RUNX3: variants seen among roughly 807,000 people sequenced by gnomAD.
RUNX3 encodes RUNX family transcription factor 3, also known as runt-related transcription factor 3.
Under a neutral mutation model 27.7 loss-of-function variants are expected in RUNX3, and 10 were observed. That is an observed-to-expected ratio of 0.36 (90% CI 0.22 to 0.61). The LOEUF (loss-of-function observed/expected upper bound fraction) is 0.61, where lower values mean the gene tolerates loss of function less well. Ranked by LOEUF, RUNX3 falls within the 20% of genes least tolerant of loss-of-function variation. The pLI, the probability that RUNX3 is intolerant of heterozygous loss-of-function variation, is 0.72. For synonymous variants in RUNX3, 270 were observed against 269.2 expected (o/e 1.00, Z -0.03); for missense variants, 469 against 629.5 (o/e 0.75, Z 2.73).
intron 2 of RUNX3, among the ~76,000 whole-genome samples, chr1:24,948,658 G>T (rs1423188932): frequency 1.3e-5 from 2 of 151,038 alleles, no homozygotes; most frequent in South Asian, 2.1e-4. Context: ...GCAGGACGGG[G>T]TGCATGTGGG....
rs572888469 is a variant in RUNX3 at position 24,916,523 on chromosome 1, A to G, written c.544+2717T>C. ...GGGACTTTGCACAGGGCCTGACGCA[A>G]GGGAGGGGGTTGCTCAGTGACCAGG... On this transcript the variant is annotated intron_variant, in intron 3 of 4. Coordinates refer to ENST00000308873, the MANE Select transcript of RUNX3 (RefSeq NM_004350.3). The surrounding 1 kb of genome is among the most constrained non-coding windows in gnomAD (Gnocchi z 4.8). 6.6e-5 allele frequency among the ~76,000 whole-genome samples: 10 copies of G among 152,240 alleles called. No individual in the cohort carries two copies. The highest frequency in any genetic ancestry group is 2.4e-4 in the African/African-American group (10 of 41,560).
intron 2 of RUNX3, among the ~76,000 whole-genome samples, chr1:24,950,072 C>A (rs1278080891): frequency 6.6e-6 from 1 of 152,244 alleles, no homozygotes; most frequent in Non-Finnish European, 1.5e-5. Flanking sequence ...TTCTGGGGGT[C>A]CTGCATGTCT....
intron 1 of RUNX3, chr1:24,929,051 CATA>C (rs1318988738): frequency 2.2e-6 from 1 of 457,398 alleles, no homozygotes; most frequent in South Asian, 1.5e-5. Context: ...ATTCGGGACG[CATA>C]ATATCCCCGA....
At chr1:24,911,981 G>C (rs1412922765) in intron 3 of RUNX3, among the ~76,000 whole-genome samples, 1 of 152,242 alleles carries the variant, frequency 6.6e-6, no homozygotes, top group Non-Finnish European at 1.5e-5. Context: ...TGCCAGGGAG[G>C]GGAGAGGGGA....
chr1:24,914,274 C>T (rs749000865), intron 3 of RUNX3, among the ~76,000 whole-genome samples: 18 of 152,328 alleles, frequency 1.2e-4, no homozygotes, highest in Non-Finnish European at 2.4e-4. Flanking sequence ...TGACCAGGCC[C>T]GTCACCCATC....
chr1:24,919,126 G>C (rs1257281195), intron 3 of RUNX3, 114 bp downstream of exon 3: 7 of 630,834 alleles, frequency 1.1e-5, no homozygotes, highest in Non-Finnish European at 1.9e-5. Context: ...GGGGCACAGA[G>C]CCAAGGACTG....
At chr1:24,932,558 CA>C (rs1231666431), upstream of RUNX3, among the ~76,000 whole-genome samples, 1 of 152,226 alleles carries the variant, frequency 6.6e-6, no homozygotes, top group Non-Finnish European at 1.5e-5. Context: ...AGGTCTCAGA[CA>C]AACCGATGGC....
intron 2 of RUNX3, among the ~76,000 whole-genome samples, chr1:24,939,924 C>T (rs552687530): frequency 5.6e-4 from 85 of 152,358 alleles, no homozygotes; most frequent in Non-Finnish European, 5.7e-4. Context: ...TAGGCCAACA[C>T]ATGGCCTCTC....
chr1:24,950,607 G>T (rs1001348657), intron 2 of RUNX3, among the ~76,000 whole-genome samples: 1 of 152,236 alleles, frequency 6.6e-6, no homozygotes, highest in Non-Finnish European at 1.5e-5. Flanking sequence ...GTGGCTGGGC[G>T]TGGGGTGGAT....
At chr1:24,951,957 AGAACCT>A (rs1641778452) in intron 2 of RUNX3, among the ~76,000 whole-genome samples, 1 of 152,232 alleles carries the variant, frequency 6.6e-6, no homozygotes, top group Admixed American at 6.5e-5. Flanking sequence ...AGACAGAGCC[AGAACCT>A]GTCTCAAATA....
At chr1:24,941,539 C>T (rs1641479816) in intron 2 of RUNX3, among the ~76,000 whole-genome samples, 1 of 152,238 alleles carries the variant, frequency 6.6e-6, no homozygotes, top group Non-Finnish European at 1.5e-5. Context: ...CAAGTTCACA[C>T]CCTAGGTGAG....
At chr1:24,932,643 C>T (rs887830408), upstream of RUNX3, among the ~76,000 whole-genome samples, 4 of 152,316 alleles carry the variant, frequency 2.6e-5, 1 homozygote, top group Non-Finnish European at 2.9e-5. Context: ...TTTCAGGCAC[C>T]CGGGGAAGAC....
At chr1:24,953,332 C>T (rs1240338688) in intron 2 of RUNX3, among the ~76,000 whole-genome samples, 2 of 136,242 alleles carry the variant, frequency 1.5e-5, no homozygotes, top group African/African-American at 5.6e-5. Flanking sequence ...CCACTGCACG[C>T]CAGCCTGGGC....
At position 24,902,312 on chromosome 1, in the gene RUNX3, C is replaced by A; in HGVS notation, c.1058G>T (p.Gly353Val). ...FSMVAGSSSGGDRSPTRMLAS... is the reference protein window; with the variant it reads ...FSMVAGSSSGVDRSPTRMLAS... Reference sequence around the variant, plus strand: ...CAGCATGCGGGTAGGTGAGCGGTCGCCCCCACTGCTGCTGCCGGCCACCAT... The same window carrying A: ...CAGCATGCGGGTAGGTGAGCGGTCGACCCCACTGCTGCTGCCGGCCACCAT... Residue 353 changes from glycine to valine, a missense_variant, in exon 5 of 5, where the codon GGC becomes GTC. By Grantham distance (109) the Gly-to-Val change is moderately radical (BLOSUM62 -3). Coordinates refer to ENST00000308873, the MANE Select transcript of RUNX3 (RefSeq NM_004350.3). The surrounding 1 kb of genome is among the most constrained non-coding windows in gnomAD (Gnocchi z 9.2). The A allele has an allele frequency of 6.2e-7, 1 of 1,607,438 alleles. No homozygotes were observed. Among genetic ancestry groups the A allele is most frequent in the Non-Finnish European group, 8.5e-7 (1 of 1,178,356 alleles).
At chr1:24,911,072 T>C (rs756478566) in intron 3 of RUNX3, among the ~76,000 whole-genome samples, 1 of 152,052 alleles carries the variant, frequency 6.6e-6, no homozygotes, top group African/African-American at 2.4e-5. Context: ...TTGGAGGAAA[T>C]GTTGTCCTTG....
intron 2 of RUNX3, among the ~76,000 whole-genome samples, chr1:24,939,417 T>C (rs950518279): frequency 1.3e-5 from 2 of 152,240 alleles, no homozygotes; most frequent in Admixed American, 1.3e-4. Flanking sequence ...TGCATCATCA[T>C]GCATGGACCT....
chr1:24,937,098 C>G (rs1407530532), intron 2 of RUNX3, among the ~76,000 whole-genome samples: 2 of 152,184 alleles, frequency 1.3e-5, no homozygotes, highest in Admixed American at 6.5e-5. Flanking sequence ...CGGTCATGGT[C>G]CCAGCTGCAA....
intron 3 of RUNX3, among the ~76,000 whole-genome samples, chr1:24,914,515 G>C (rs1183387936): frequency 6.6e-6 from 1 of 152,268 alleles, no homozygotes; most frequent in Non-Finnish European, 1.5e-5. Flanking sequence ...CGGGTCGGTG[G>C]CTGGGCAGGG....
rs897182974 is a variant in RUNX3, at chr1:24,904,856, T to C, written c.704-2190A>G. 1.2e-4 allele frequency among the ~76,000 whole-genome samples: 19 copies of C among 152,126 alleles called. No individual in the cohort carries two copies. Among genetic ancestry groups the C allele is most frequent in the Non-Finnish European group, 2.2e-4 (15 of 67,996 alleles). The stretch of plus-strand genomic sequence containing the variant: ...CCCCCAGCAGCTTCCTTGGAGCTCC[T>C]GTACCCCCACCCTGCGGCCTCGCAG... On this transcript the variant is annotated intron_variant, in intron 4 of 4. Transcript: ENST00000308873. This position sits in a 1 kb window ranked among gnomAD's most constrained non-coding sequence, Gnocchi z 5.7.
Sources: allele counts gnomAD v4.1 joint callset (sites outside exome capture counted in the v4.1 genomes callset), GRCh38; gene constraint gnomAD v4.1.1; non-coding constraint Gnocchi (gnomAD v3.1); transcripts MANE v1.5; gene names NCBI Gene and HGNC (gene_info 2026-07-23, HGNC 2026-07-21).